Variants in CIB1 observed in about 807,000 individuals in gnomAD.
CIB1 encodes the protein calcium and integrin-binding protein 1.
CIB1 carries 19 observed loss-of-function variants against 25.0 expected under a neutral mutation model. The ratio of observed to expected loss-of-function variants is 0.76; its 90% CI spans 0.53 to 1.12. The LOEUF is 1.12. Among genes scored for constraint, CIB1 ranks in the 50% most tolerant of loss-of-function variants. CIB1 has a pLI of 0.00. For synonymous variants in CIB1, 104 were observed against 98.5 expected (o/e 1.06, Z -0.33); for missense variants, 236 against 242.6 (o/e 0.97, Z 0.18).
At chr15:90,257,854 G>GC in the CIB1 span, 1 of 996,136 alleles carries the variant, frequency 1.0e-6, no homozygotes, top group East Asian at 2.5e-5. Context: ...CCTGTCCTGT[G>GC]CCTGCACTTT....
At chr15:90,258,839 G>T in the CIB1 span, 4 of 1,614,176 alleles carry the variant, frequency 2.5e-6, no homozygotes, top group Non-Finnish European at 3.4e-6. Context: ...CAACCTCCGG[G>T]GCTGTGACAA....
intron 1 of CIB1, 27 bp from the exon 2 acceptor site, chr15:90,233,730 T>C (rs1596173287): frequency 1.3e-6 from 2 of 1,563,690 alleles, no homozygotes; most frequent in East Asian, 4.8e-5. Context: ...GAGCGGGGAT[T>C]AGCGGACCGC....
the CIB1 span, chr15:90,263,483 C>A: frequency 2.0e-6 from 1 of 495,220 alleles, no homozygotes; most frequent in South Asian, 3.5e-5. Context: ...GTATAATTTT[C>A]TCCCTAGCAC....
chr15:90,234,103 G>A (rs1315625114), upstream of CIB1: 2 of 386,296 alleles, frequency 5.2e-6, no homozygotes, highest in Non-Finnish European at 9.0e-6. Flanking sequence ...TGGAGGCGGG[G>A]CCCGGGGAGG....
chr15:90,232,195 G>A, intron 3 of CIB1, 24 bp downstream of exon 3: 1 of 1,583,188 alleles, frequency 6.3e-7, no homozygotes, highest in South Asian at 1.1e-5. Context: ...TGGGAGAGGT[G>A]TCAAAGGAGG....
At chr15:90,250,026 C>T in the CIB1 span, among the ~76,000 whole-genome samples, 3 of 151,312 alleles carry the variant, frequency 2.0e-5, no homozygotes, top group South Asian at 2.1e-4. Context: ...GGTGTGATCT[C>T]GGCTCACTGC....
At chr15:90,238,728 G>A (rs984636292), upstream of CIB1, among the ~76,000 whole-genome samples, 6 of 152,128 alleles carry the variant, frequency 3.9e-5, no homozygotes, top group African/African-American at 1.4e-4. Flanking sequence ...ATGTTTCTAT[G>A]CATGACCAAT....
At chr15:90,252,043 CTT>C in the CIB1 span, among the ~76,000 whole-genome samples, 4 of 133,412 alleles carry the variant, frequency 3.0e-5, no homozygotes, top group Non-Finnish European at 4.8e-5. Flanking sequence ...TCACCTAATT[CTT>C]TTTTTTTTTT....
At chr15:90,246,787 C>CAAAAAAAAAAAAAAAAAAAAAAAAAA in the CIB1 span, among the ~76,000 whole-genome samples, 3 of 45,202 alleles carry the variant, frequency 6.6e-5, no homozygotes, top group Non-Finnish European at 8.4e-5. Context: ...GACTCTGTCT[C>CAAAAAAAAAAAAAAAAAAAAAAAAAA]AAAAAAAAAA....
At chr15:90,256,309 C>T in the CIB1 span, 23 of 1,614,054 alleles carry the variant, frequency 1.4e-5, no homozygotes, top group Admixed American at 6.7e-5. Flanking sequence ...TGAAGGATGC[C>T]TCAGGACCAT....
At chr15:90,263,221 C>A in the CIB1 span, 2 of 1,324,050 alleles carry the variant, frequency 1.5e-6, no homozygotes, top group Middle Eastern at 2.7e-4. Flanking sequence ...TTGGTCTCAA[C>A]AAAGGAGGCT....
At chr15:90,234,747 G>A (rs1161364964), upstream of CIB1, among the ~76,000 whole-genome samples, 1 of 152,128 alleles carries the variant, frequency 6.6e-6, no homozygotes, top group Non-Finnish European at 1.5e-5. Flanking sequence ...CTGACCTGCC[G>A]TCCTTTTGAC....
At chr15:90,241,970 T>C in the CIB1 span, 4 of 1,614,204 alleles carry the variant, frequency 2.5e-6, no homozygotes, top group Non-Finnish European at 3.4e-6. Flanking sequence ...CAGAGGCAGC[T>C]GCTGTGGCCC....
At chr15:90,241,432 G>C in the CIB1 span, 2 of 1,613,448 alleles carry the variant, frequency 1.2e-6, no homozygotes, top group East Asian at 2.2e-5. Flanking sequence ...GAGCCTGCCC[G>C]CCAGCTCCCC....
the CIB1 span, among the ~76,000 whole-genome samples, chr15:90,252,788 A>C: frequency 6.6e-6 from 1 of 152,140 alleles, no homozygotes; most frequent in Non-Finnish European, 1.5e-5. Flanking sequence ...GAATCTCCTG[A>C]GGTCAGGAGT....
At chr15:90,257,668 C>CT in the CIB1 span, 3 of 1,614,220 alleles carry the variant, frequency 1.9e-6, no homozygotes, top group Non-Finnish European at 2.5e-6. Flanking sequence ...ACCAACTATG[C>CT]TATCAACAAA....
At chr15:90,248,266 T>C in the CIB1 span, among the ~76,000 whole-genome samples, 3 of 152,200 alleles carry the variant, frequency 2.0e-5, no homozygotes, top group African/African-American at 7.2e-5. Flanking sequence ...GCAAAGTGAT[T>C]TTGGTATAAA....
At chr15:90,249,198 CAGCA>C in the CIB1 span, among the ~76,000 whole-genome samples, 2 of 116,938 alleles carry the variant, frequency 1.7e-5, no homozygotes, top group African/African-American at 3.5e-5. Context: ...CTGGGCGACA[CAGCA>C]AGACCCCGTC....
At chr15:90,234,411 C>T (rs1962588288), upstream of CIB1, 1 of 152,790 alleles carries the variant, frequency 6.5e-6, no homozygotes, top group African/African-American at 2.4e-5. Context: ...GTCGGCTGCC[C>T]CTCTGCCCAG....
Sources: allele counts gnomAD v4.1 joint callset (sites outside exome capture counted in the v4.1 genomes callset), GRCh38; gene constraint gnomAD v4.1.1; transcripts MANE v1.5; gene names NCBI Gene and HGNC (gene_info 2026-07-23, HGNC 2026-07-21).